GMDS: variants seen among roughly 807,000 people sequenced by gnomAD.
GMDS encodes GDP-mannose 4,6 dehydratase.
In GMDS, 20 loss-of-function variants were observed where a neutral mutation model predicts 49.9. That is an observed-to-expected ratio of 0.40 (90% confidence interval 0.28 to 0.58). The LOEUF is 0.58. Ranked by LOEUF, GMDS falls within the 20% of genes least tolerant of loss-of-function variation. The pLI is 0.42. For synonymous variants in GMDS, 177 were observed against 178.6 expected (o/e 0.99, Z 0.07); for missense variants, 362 against 481.4 (o/e 0.75, Z 2.32).
intron 1 of GMDS, among the ~76,000 whole-genome samples, chr6:2,220,313 C>T (rs71552110): frequency 8.5e-5 from 13 of 152,202 alleles, no homozygotes; most frequent in African/African-American, 2.9e-4. Flanking sequence ...CAGATGGAGA[C>T]GGAAAGCCTG....
chr6:2,073,019 C>G (rs1007041318), intron 4 of GMDS, among the ~76,000 whole-genome samples: 2 of 152,224 alleles, frequency 1.3e-5, no homozygotes, highest in Non-Finnish European at 2.9e-5. Flanking sequence ...AATGTCCCTT[C>G]CCTAGAAATA....
chr6:1,780,452 C>T (rs1422849572), intron 7 of GMDS, among the ~76,000 whole-genome samples: 4 of 152,236 alleles, frequency 2.6e-5, no homozygotes, highest in Non-Finnish European at 2.9e-5. Flanking sequence ...CCACAGCTTC[C>T]TGAGAGCGCT....
intron 4 of GMDS, among the ~76,000 whole-genome samples, chr6:2,058,905 C>T (rs1770939489): frequency 6.6e-6 from 1 of 152,026 alleles, no homozygotes; most frequent in Non-Finnish European, 1.5e-5. Flanking sequence ...TGTCATCAGG[C>T]CGGGTGGCAC....
intron 4 of GMDS, among the ~76,000 whole-genome samples, chr6:1,969,445 G>A (rs1270815936): frequency 1.3e-5 from 2 of 151,958 alleles, no homozygotes; most frequent in Non-Finnish European, 1.5e-5. Flanking sequence ...TTCAAACACA[G>A]CAGAAGAGAA....
chr6:1,717,966 T>TA (rs1766231045), intron 9 of GMDS, among the ~76,000 whole-genome samples: 3 of 152,202 alleles, frequency 2.0e-5, no homozygotes, highest in Non-Finnish European at 4.4e-5. Flanking sequence ...CCAATTAATG[T>TA]AACTCTTTGA....
chr6:1,898,893 C>T (rs1015446481), intron 7 of GMDS, among the ~76,000 whole-genome samples: 4 of 152,052 alleles, frequency 2.6e-5, no homozygotes, highest in East Asian at 1.9e-4. Flanking sequence ...CCTGCCCTAA[C>T]GGAACTTACA....
intron 1 of GMDS, among the ~76,000 whole-genome samples, chr6:2,235,727 G>A (rs962428596): frequency 6.6e-6 from 1 of 151,634 alleles, no homozygotes; most frequent in Non-Finnish European, 1.5e-5. Flanking sequence ...CCAAAGGATC[G>A]CTTGAGCCCA....
chr6:1,994,470 C>A (rs149806466), intron 4 of GMDS, among the ~76,000 whole-genome samples: 1 of 152,082 alleles, frequency 6.6e-6, no homozygotes, highest in African/African-American at 2.4e-5. Flanking sequence ...CCATAAATAA[C>A]CCTTCAGCAA....
chr6:1,714,777 A>T (rs1766112348), intron 9 of GMDS, among the ~76,000 whole-genome samples: 1 of 152,256 alleles, frequency 6.6e-6, no homozygotes, highest in Non-Finnish European at 1.5e-5. Flanking sequence ...TGCCTTTTGC[A>T]TATGCATTAT....
intron 4 of GMDS, among the ~76,000 whole-genome samples, chr6:2,023,183 C>T (rs1420661188): frequency 6.6e-6 from 1 of 152,174 alleles, no homozygotes; most frequent in Non-Finnish European, 1.5e-5. Context: ...ATGTAAATGA[C>T]ACTGACTTTT....
chr6:1,684,250 G>T (rs999735570), intron 9 of GMDS, among the ~76,000 whole-genome samples: 1 of 152,132 alleles, frequency 6.6e-6, no homozygotes, highest in Non-Finnish European at 1.5e-5. Flanking sequence ...GAAGTCTCCC[G>T]TGTTGCTGGT....
intron 7 of GMDS, among the ~76,000 whole-genome samples, chr6:1,757,522 CTG>C (rs926352877): frequency 6.6e-6 from 1 of 152,206 alleles, no homozygotes; most frequent in Non-Finnish European, 1.5e-5. Flanking sequence ...TGGCTCCTGA[CTG>C]TGCTACCTAA....
At position 2,245,373 on chromosome 6, in the gene GMDS, C is replaced by T. The variant is rs1406890980; in HGVS notation, c.50G>A (p.Gly17Asp). 1.9e-6 allele frequency: 3 copies of T among 1,551,012 alleles called. No homozygotes were observed. The highest frequency in any genetic ancestry group is 1.7e-6 in the Non-Finnish European group (2 of 1,154,040). Reference protein sequence around the residue: ...RCPSARGSGDGEMGKPRNVAL... With the variant: ...RCPSARGSGDDEMGKPRNVAL... ...CACGTTCCTGGGCTTGCCCATCTCGCCGTCCCCGGAGCCCCGGGCGCTGGG... is the reference window on the plus strand; with the variant it reads ...CACGTTCCTGGGCTTGCCCATCTCGTCGTCCCCGGAGCCCCGGGCGCTGGG... The change falls in exon 1 of 11, where the codon GGC becomes GAC. Residue 17 changes from glycine to aspartate, a missense_variant. By Grantham distance (94) the Gly-to-Asp change is moderately conservative (BLOSUM62 -1). Coordinates refer to ENST00000380815, the MANE Select transcript of GMDS (RefSeq NM_001500.4).
intron 6 of GMDS, among the ~76,000 whole-genome samples, chr6:1,944,471 C>T (rs9405155): frequency 0.29 from 43,170 of 148,116 alleles, 5,951 homozygotes; most frequent in Middle Eastern, 0.35. Flanking sequence ...CGCCACTGCA[C>T]GCTAGCCTGG....
rs368985883 is a variant in GMDS, at chr6:1,987,979, G to C, written c.346-27013C>G. Among the ~76,000 whole-genome samples, 24 of 152,098 alleles carry C rather than the reference G, an allele frequency of 1.6e-4. No individual in the cohort carries two copies. The East Asian group carries it at 2.7e-3, about 17-fold the overall frequency. ...TCACAGTTAGTAAGCAACAGAACTGGGATTAACACCAAGGAAAAAATAATA... is the reference window on the plus strand; with the variant it reads ...TCACAGTTAGTAAGCAACAGAACTGCGATTAACACCAAGGAAAAAATAATA... On this transcript the variant is annotated intron_variant, in intron 4 of 10. Transcript: ENST00000380815.
chr6:2,243,123 A>T (rs1302495542), intron 1 of GMDS, among the ~76,000 whole-genome samples: 2 of 152,220 alleles, frequency 1.3e-5, no homozygotes, highest in African/African-American at 4.8e-5. Flanking sequence ...AGAAAGAAAC[A>T]CTGGGGCAGA....
intron 4 of GMDS, among the ~76,000 whole-genome samples, chr6:2,053,399 TC>T (rs1770566128): frequency 6.6e-6 from 1 of 151,914 alleles, no homozygotes; most frequent in Non-Finnish European, 1.5e-5. Flanking sequence ...TTTAACTAAA[TC>T]CCAGAAAAAC....
intron 1 of GMDS, among the ~76,000 whole-genome samples, chr6:2,160,426 A>G (rs568990857): frequency 6.6e-6 from 1 of 152,362 alleles, no homozygotes; most frequent in East Asian, 1.9e-4. Flanking sequence ...GCTAGAAAGA[A>G]CTAGGAATCA....
At chr6:1,798,797 G>A (rs1769836237) in intron 7 of GMDS, among the ~76,000 whole-genome samples, 1 of 152,136 alleles carries the variant, frequency 6.6e-6, no homozygotes, top group East Asian at 1.9e-4. Context: ...GCATACTGTT[G>A]GAGAATACGA....
Sources: allele counts gnomAD v4.1 joint callset (sites outside exome capture counted in the v4.1 genomes callset), GRCh38; gene constraint gnomAD v4.1.1; transcripts MANE v1.5; gene names NCBI Gene and HGNC (gene_info 2026-07-23, HGNC 2026-07-21).